FAM78B: variants seen among roughly 807,000 people sequenced by gnomAD.
FAM78B encodes protein FAM78B.
Under a neutral mutation model 20.0 loss-of-function variants are expected in FAM78B, and 10 were observed. The observed-to-expected ratio is 0.50, with a 90% confidence interval of 0.31 to 0.85. The LOEUF (loss-of-function observed/expected upper bound fraction) is 0.85, where lower values mean the gene tolerates loss of function less well. FAM78B is among the 40% of genes least tolerant of loss of function. The pLI is 0.05. For synonymous variants in FAM78B, 135 were observed against 132.8 expected, an observed-to-expected ratio of 1.02 and a Z score of -0.12; for missense variants, 283 against 345.0, an observed-to-expected ratio of 0.82 and a Z score of 1.42.
intron 1 of FAM78B, among the ~76,000 whole-genome samples, chr1:166,077,739 A>G (rs1571138611): frequency 1.0e-5 from 1 of 99,620 alleles, no homozygotes; most frequent in Admixed American, 1.0e-4. Flanking sequence ...AAATTATAAT[A>G]AATACATATA....
At chr1:166,087,785 T>A (rs991498025) in intron 1 of FAM78B, among the ~76,000 whole-genome samples, 2 of 152,172 alleles carry the variant, frequency 1.3e-5, no homozygotes, top group African/African-American at 2.4e-5. Context: ...TTTTAACGTG[T>A]GATGTTTGAA....
downstream of FAM78B, among the ~76,000 whole-genome samples, chr1:166,065,240 T>C (rs961565133): frequency 6.6e-6 from 1 of 152,182 alleles, no homozygotes; most frequent in Admixed American, 6.5e-5. Flanking sequence ...GGTAAAAATA[T>C]CTGTGTGCAG....
chr1:166,076,770 C>G (rs1468085393), intron 1 of FAM78B, among the ~76,000 whole-genome samples: 1 of 152,036 alleles, frequency 6.6e-6, no homozygotes, highest in Non-Finnish European at 1.5e-5. Flanking sequence ...GAGTGGAGAC[C>G]ATGAATTTCA....
At chr1:166,091,018 G>A (rs757065455) in intron 1 of FAM78B, among the ~76,000 whole-genome samples, 1 of 152,118 alleles carries the variant, frequency 6.6e-6, no homozygotes, top group African/African-American at 2.4e-5. Flanking sequence ...ACTGGCCTAG[G>A]GCAACACAGG....
intron 1 of FAM78B, among the ~76,000 whole-genome samples, chr1:166,089,501 G>GC (rs913349065): frequency 6.6e-6 from 1 of 152,088 alleles, no homozygotes; most frequent in African/African-American, 2.4e-5. Flanking sequence ...CAGGGAAAAA[G>GC]CAGAGGGCTC....
intron 1 of FAM78B, among the ~76,000 whole-genome samples, chr1:166,101,598 G>A (rs1424820335): frequency 3.3e-5 from 5 of 152,244 alleles, no homozygotes; most frequent in Non-Finnish European, 5.9e-5. Context: ...TCAACTGGAA[G>A]AAAGGGTATC....
intron 1 of FAM78B, among the ~76,000 whole-genome samples, chr1:166,134,540 A>G (rs4657522): frequency 0.73 from 109,591 of 151,124 alleles, 40,618 homozygotes; most frequent in Non-Finnish European, 0.81. Context: ...AATAATAATA[A>G]TAAGTATAAG....
intron 1 of FAM78B, among the ~76,000 whole-genome samples, chr1:166,109,033 T>C (rs1226698198): frequency 6.6e-6 from 1 of 152,146 alleles, no homozygotes; most frequent in African/African-American, 2.4e-5. Context: ...GACCTAAACC[T>C]AAGACCCAAA....
chr1:166,123,072 A>C (rs1175805832), intron 1 of FAM78B, among the ~76,000 whole-genome samples: 1 of 152,232 alleles, frequency 6.6e-6, no homozygotes, highest in Non-Finnish European at 1.5e-5. Context: ...CCTCAGTGGC[A>C]GGGACAGCAG....
chr1:166,127,380 T>C (rs533314181), intron 1 of FAM78B, among the ~76,000 whole-genome samples: 85 of 152,328 alleles, frequency 5.6e-4, no homozygotes, highest in African/African-American at 2.0e-3. Context: ...CTCCAGACTT[T>C]GAGCAGAAGG....
At chr1:166,098,152 T>C (rs1034235085) in intron 1 of FAM78B, among the ~76,000 whole-genome samples, 2 of 152,014 alleles carry the variant, frequency 1.3e-5, no homozygotes, top group Admixed American at 6.5e-5. Context: ...GTTTGGGTAA[T>C]AGGAAGCCAC....
chr1:166,157,834 C>G (rs1571213246), intron 1 of FAM78B, among the ~76,000 whole-genome samples: 1 of 152,264 alleles, frequency 6.6e-6, no homozygotes, highest in East Asian at 1.9e-4. Context: ...AAAGCTACAG[C>G]CCAGACCAAC....
intron 1 of FAM78B, among the ~76,000 whole-genome samples, chr1:166,117,110 A>G (rs1466091530): frequency 6.6e-6 from 1 of 152,034 alleles, no homozygotes; most frequent in East Asian, 1.9e-4. Flanking sequence ...GAATTTTCAG[A>G]CCCCCCAGAA....
intron 1 of FAM78B, among the ~76,000 whole-genome samples, chr1:166,157,179 C>T (rs759728031): frequency 4.0e-5 from 6 of 151,828 alleles, no homozygotes; most frequent in African/African-American, 1.5e-4. Flanking sequence ...ATGCCAGAGA[C>T]CCCTCTCCAG....
At chr1:166,071,484 A>G (rs963662922) in intron 1 of FAM78B, among the ~76,000 whole-genome samples, 3 of 152,198 alleles carry the variant, frequency 2.0e-5, no homozygotes, top group Admixed American at 2.0e-4. Context: ...CCATTCTGGC[A>G]CCTACCTACT....
At chr1:166,084,237 A>ACACACACACACACTCT (rs771421402) in intron 1 of FAM78B, among the ~76,000 whole-genome samples, 7 of 125,416 alleles carry the variant, frequency 5.6e-5, no homozygotes, top group African/African-American at 2.1e-4. Context: ...ACACACACAC[A>ACACACACACACACTCT]CTCTCTCTCT....
At chr1:166,126,894 C>T (rs886080479) in intron 1 of FAM78B, among the ~76,000 whole-genome samples, 4 of 152,138 alleles carry the variant, frequency 2.6e-5, no homozygotes, top group Admixed American at 2.0e-4. Context: ...TGCATCCTAA[C>T]GCTAACACAT....
intron 1 of FAM78B, among the ~76,000 whole-genome samples, chr1:166,148,521 A>T (rs1279465659): frequency 1.3e-5 from 2 of 152,240 alleles, no homozygotes; most frequent in Non-Finnish European, 2.9e-5. Context: ...ATAAGTGTTA[A>T]ATGAGATATC....
At chr1:166,078,314 C>T (rs1330656017) in intron 1 of FAM78B, among the ~76,000 whole-genome samples, 1 of 152,084 alleles carries the variant, frequency 6.6e-6, no homozygotes, top group Non-Finnish European at 1.5e-5. Flanking sequence ...CAGGCGTGAG[C>T]CACCGTGCCT....
Sources: allele counts gnomAD v4.1 joint callset (sites outside exome capture counted in the v4.1 genomes callset), GRCh38; gene constraint gnomAD v4.1.1; transcripts MANE v1.5; gene names NCBI Gene and HGNC (gene_info 2026-07-23, HGNC 2026-07-21).